Variants in PPP2R5E observed in about 807,000 individuals in gnomAD.
The protein encoded by PPP2R5E is protein phosphatase 2 regulatory subunit B'epsilon.
A neutral mutation model predicts 65.3 loss-of-function variants in PPP2R5E; 4 were observed. The observed-to-expected ratio is 0.06, with a 90% CI of 0.03 to 0.14. PPP2R5E has a LOEUF of 0.14. PPP2R5E is among the 10% of genes least tolerant of loss of function. The probability of loss-of-function intolerance (pLI) is 1.00; values close to 1 mark genes in which losing one functional copy is unlikely to be tolerated. For missense variants in PPP2R5E, 274 were observed against 556.1 expected, an observed-to-expected ratio of 0.49 and a Z score of 5.10; for synonymous variants, 183 against 187.4, an observed-to-expected ratio of 0.98 and a Z score of 0.19.
chr14:63,403,661 T>C (rs1885897886), intron 5 of PPP2R5E, among the ~76,000 whole-genome samples: 1 of 149,498 alleles, frequency 6.7e-6, no homozygotes, highest in Admixed American at 6.7e-5. Flanking sequence ...AAGTAACTGA[T>C]AGACTAGTTG....
Position 63,525,310 on chromosome 14 carries a change from C to T in PPP2R5E, c.157+14219G>A, listed in dbSNP as rs72716307. ...CACACTCAATTTTATCACTGGTATT[C>T]CTATTCACCCAGCTTAATTTTTCAA... is the stretch of plus-strand genomic sequence containing the variant. On this transcript the variant is annotated intron_variant, in intron 2 of 13. Coordinates refer to ENST00000337537, the MANE Select transcript of PPP2R5E (RefSeq NM_006246.5). 9.8e-3 allele frequency among the ~76,000 whole-genome samples: 1,493 copies of T among 152,294 alleles called. 13 individuals are homozygous for T. The highest frequency in any genetic ancestry group is 0.016 in the Non-Finnish European group (1,072 of 68,010).
intron 2 of PPP2R5E, among the ~76,000 whole-genome samples, chr14:63,539,022 T>C (rs1247468580): frequency 6.6e-6 from 1 of 152,170 alleles, no homozygotes; most frequent in Non-Finnish European, 1.5e-5. Context: ...AGGTATATCT[T>C]TTCTACTTGT....
intron 2 of PPP2R5E, among the ~76,000 whole-genome samples, chr14:63,506,428 G>T (rs1389876242): frequency 6.6e-6 from 1 of 152,132 alleles, no homozygotes; most frequent in Non-Finnish European, 1.5e-5. Context: ...TCCAGCCTGG[G>T]CGACAGAGCA....
intron 2 of PPP2R5E, among the ~76,000 whole-genome samples, chr14:63,537,236 T>TAA (rs11435884): frequency 5.4e-5 from 8 of 149,354 alleles, no homozygotes; most frequent in African/African-American, 7.3e-5. Context: ...CTTCTAATTC[T>TAA]AAAAAAAAAA....
At chr14:63,389,519 A>G in intron 11 of PPP2R5E, 93 bp downstream of exon 11, 1 of 1,357,392 alleles carries the variant, frequency 7.4e-7, no homozygotes, top group Non-Finnish European at 9.9e-7. Flanking sequence ...AATAAACAAT[A>G]GGTAGCTAGG....
At chr14:63,460,024 G>A (rs1450418471) in intron 2 of PPP2R5E, among the ~76,000 whole-genome samples, 1 of 152,112 alleles carries the variant, frequency 6.6e-6, no homozygotes, top group Non-Finnish European at 1.5e-5. Flanking sequence ...TAGCATACAC[G>A]TTTTTTAAAG....
intron 2 of PPP2R5E, among the ~76,000 whole-genome samples, chr14:63,519,669 T>TC (rs931867444): frequency 6.0e-5 from 8 of 134,296 alleles, no homozygotes; most frequent in African/African-American, 2.4e-4. Flanking sequence ...ACAAACTCTC[T>TC]TTTTTTTTTT....
chr14:63,431,679 A>G (rs1594867862), intron 3 of PPP2R5E, among the ~76,000 whole-genome samples: 1 of 152,192 alleles, frequency 6.6e-6, no homozygotes, highest in East Asian at 1.9e-4. Context: ...CACTGAACCA[A>G]TGACAGGGTG....
rs865836094 is a variant in PPP2R5E, at chr14:63,409,275, T to C, written c.549+5865A>G. On this transcript the variant is annotated intron_variant, in intron 5 of 13. Coordinates refer to ENST00000337537, the MANE Select transcript of PPP2R5E (RefSeq NM_006246.5). ...AACAAAAAATAGCTGAGTTTGGTGG[T>C]GCACGTCTGTAATCCCAGCTACTCA... Among the ~76,000 whole-genome samples, 3 of 151,586 alleles carry C rather than the reference T, an allele frequency of 2.0e-5. No individual in the cohort carries two copies. The South Asian group carries it at 6.3e-4, about 32-fold the overall frequency.
chr14:63,468,647 G>C (rs942052825), intron 2 of PPP2R5E, among the ~76,000 whole-genome samples: 5 of 152,082 alleles, frequency 3.3e-5, no homozygotes, highest in African/African-American at 4.8e-5. Context: ...ACACATCAAG[G>C]CTTCTTCTGA....
At chr14:63,499,619 C>T (rs554137031) in intron 2 of PPP2R5E, among the ~76,000 whole-genome samples, 36 of 151,968 alleles carry the variant, frequency 2.4e-4, no homozygotes, top group African/African-American at 7.7e-4. Context: ...CACGGCTACT[C>T]GGGAGGCTGA....
chr14:63,509,751 G>A (rs1455940194), intron 2 of PPP2R5E, among the ~76,000 whole-genome samples: 1 of 152,182 alleles, frequency 6.6e-6, no homozygotes, highest in Non-Finnish European at 1.5e-5. Flanking sequence ...TTCAAAGCCT[G>A]AGAATCAGCT....
chr14:63,459,605 A>C (rs1456298958), intron 2 of PPP2R5E, among the ~76,000 whole-genome samples: 2 of 152,202 alleles, frequency 1.3e-5, no homozygotes, highest in East Asian at 3.8e-4. Context: ...TGACCAATCC[A>C]ATTACTTTAT....
intron 2 of PPP2R5E, among the ~76,000 whole-genome samples, chr14:63,474,673 C>CAAAAAAAA (rs1157357885): frequency 6.5e-4 from 18 of 27,722 alleles, no homozygotes; most frequent in East Asian, 2.5e-3. Context: ...TACCCCATCT[C>CAAAAAAAA]AAAAAAAAAA....
intron 2 of PPP2R5E, among the ~76,000 whole-genome samples, chr14:63,458,056 A>G (rs1889230983): frequency 6.6e-6 from 1 of 152,142 alleles, no homozygotes; most frequent in Admixed American, 6.5e-5. Flanking sequence ...GACTACGCCT[A>G]CCTCCAAGGT....
intron 2 of PPP2R5E, among the ~76,000 whole-genome samples, chr14:63,510,244 C>T (rs891842259): frequency 6.6e-6 from 1 of 152,142 alleles, no homozygotes; most frequent in Admixed American, 6.5e-5. Flanking sequence ...GGACACAGAC[C>T]TCACCTCACT....
At chr14:63,420,763 C>G (rs1886964634) in intron 4 of PPP2R5E, among the ~76,000 whole-genome samples, 1 of 146,304 alleles carries the variant, frequency 6.8e-6, no homozygotes, top group Non-Finnish European at 1.5e-5. Flanking sequence ...TTCAAAAAGT[C>G]AACCTGAGGC....
chr14:63,418,411 CAT>C (rs1211868941), intron 4 of PPP2R5E, among the ~76,000 whole-genome samples: 2 of 152,314 alleles, frequency 1.3e-5, no homozygotes, highest in East Asian at 3.9e-4. Context: ...ACACTTCAGA[CAT>C]ATTTATTAAT....
chr14:63,457,369 T>C (rs1384784504), intron 2 of PPP2R5E, among the ~76,000 whole-genome samples: 1 of 151,902 alleles, frequency 6.6e-6, no homozygotes, highest in East Asian at 1.9e-4. Flanking sequence ...ATAAAGAGAA[T>C]CTCATAAAAA....
Sources: gnomAD v4.1 joint callset for allele counts (sites outside exome capture counted in the v4.1 genomes callset) on GRCh38, gnomAD v4.1.1 for gene constraint, MANE v1.5 for transcripts, NCBI Gene and HGNC (gene_info 2026-07-23, HGNC 2026-07-21) for gene names.